The following AFAP1 variants were observed in gnomAD, a reference collection of about 807,000 sequenced individuals.
AFAP1 encodes actin filament associated protein 1, also known as actin filament-associated protein 1.
AFAP1 carries 75 observed loss-of-function variants against 93.9 expected under a neutral mutation model. The ratio of observed to expected loss-of-function variants is 0.80; its 90% CI spans 0.66 to 0.97. AFAP1 has a LOEUF of 0.97. AFAP1 is among the 50% of genes least tolerant of loss of function. The pLI is 0.00. For synonymous variants in AFAP1, 517 were observed against 430.7 expected, an observed-to-expected ratio of 1.20 and a Z score of -2.48; for missense variants, 1,201 against 1,050.8, an observed-to-expected ratio of 1.14 and a Z score of -1.98.
chr4:7,772,859 C>G lies in AFAP1; in HGVS notation c.2214G>C (p.Gly738=). 1.9e-6 allele frequency: 3 copies of G among 1,614,054 alleles called. No homozygotes were observed. The highest frequency in any genetic ancestry group is 2.5e-6 in the Non-Finnish European group (3 of 1,180,028). Residue 738 remains glycine (G), a synonymous_variant, in exon 16 of 18, where the codon GGG becomes GGC. Coordinates refer to ENST00000420658, the MANE Select transcript of AFAP1 (RefSeq NM_001134647.2). ...KKALAGGVTL[G]LAIEPKSGTS... ...TCCCTGACTTGGGCTCGATGGCCAG[C>G]CCCAGGGTGACTCCGCCCGCCAGCG...
At chr4:7,810,556 C>T (rs567429266) in intron 8 of AFAP1, among the ~76,000 whole-genome samples, 117 of 152,324 alleles carry the variant, frequency 7.7e-4, no homozygotes, top group Middle Eastern at 3.4e-3. Flanking sequence ...ATCTGTGAGA[C>T]ACCTGACTCG....
intron 9 of AFAP1, among the ~76,000 whole-genome samples, chr4:7,804,590 T>C (rs1419769454): frequency 6.6e-6 from 1 of 152,060 alleles, no homozygotes; most frequent in African/African-American, 2.4e-5. Context: ...ATATGGGGCG[T>C]CGCGGGTCTC....
At chr4:7,819,281 G>A (rs1577249827) in intron 6 of AFAP1, 110 bp from the exon 7 acceptor site, 2 of 938,394 alleles carry the variant, frequency 2.1e-6, no homozygotes, top group Non-Finnish European at 3.0e-6. Flanking sequence ...GAAATTCATG[G>A]GCTCAAAGCA....
At chr4:7,855,652 T>G in intron 3 of AFAP1, 78 bp from the exon 4 acceptor site, 1 of 1,157,644 alleles carries the variant, frequency 8.6e-7, no homozygotes, top group South Asian at 1.2e-5. Flanking sequence ...TTAACAGGTG[T>G]GGCCAGTCTT....
intron 17 of AFAP1, among the ~76,000 whole-genome samples, chr4:7,767,131 C>A (rs538892793): frequency 6.6e-6 from 1 of 152,314 alleles, no homozygotes; most frequent in East Asian, 1.9e-4. Context: ...CAGTCCGTCC[C>A]CTTCTGATTT....
rs372536807 is a variant in AFAP1, at chr4:7,769,022, G to A, written c.2254-14C>T. On this transcript the variant is annotated splice_polypyrimidine_tract_variant and intron_variant, in intron 16 of 17. Transcript: ENST00000420658. ...GAACACTGGAGACTTAACGGAGAGAGAGAACCCCATGTGATGAGCGGTTTC... is the reference window on the plus strand; with the variant it reads ...GAACACTGGAGACTTAACGGAGAGAAAGAACCCCATGTGATGAGCGGTTTC... 6.3e-7 allele frequency: 1 copy of A among 1,592,082 alleles called. No individual in the cohort carries two copies. Among genetic ancestry groups the A allele is most frequent in the African/African-American group, 1.3e-5 (1 of 74,388 alleles).
chr4:7,786,803 C>T (rs1404833498), intron 11 of AFAP1, among the ~76,000 whole-genome samples: 1 of 152,210 alleles, frequency 6.6e-6, no homozygotes, highest in African/African-American at 2.4e-5. Flanking sequence ...TCCAGAAGGA[C>T]AACATGGCCT....
intron 10 of AFAP1, chr4:7,798,949 G>C (rs773604680): frequency 7.0e-5 from 69 of 986,720 alleles, no homozygotes; most frequent in Non-Finnish European, 8.2e-5. Context: ...CAGATCTGCT[G>C]TCAGAGCTCT....
At chr4:7,848,211 G>C (rs151254351) in intron 4 of AFAP1, among the ~76,000 whole-genome samples, 1,777 of 71,038 alleles carry the variant, frequency 0.025, 88 homozygotes, top group African/African-American at 0.11. Context: ...GCAAGGGAGG[G>C]AGGGAGGGAG....
chr4:7,833,679 C>T (rs945424628), intron 6 of AFAP1, among the ~76,000 whole-genome samples: 2 of 150,980 alleles, frequency 1.3e-5, no homozygotes, highest in Admixed American at 6.6e-5. Flanking sequence ...ACCTCCTCCT[C>T]TCAGGTTCAA....
intron 1 of AFAP1, among the ~76,000 whole-genome samples, chr4:7,919,508 G>A (rs1180917290): frequency 6.6e-6 from 1 of 152,180 alleles, no homozygotes; most frequent in Non-Finnish European, 1.5e-5. Context: ...TTTCTGAGCC[G>A]ATTGAGTTCT....
At chr4:7,901,904 T>C (rs1440890747) in intron 1 of AFAP1, among the ~76,000 whole-genome samples, 2 of 152,228 alleles carry the variant, frequency 1.3e-5, no homozygotes, top group Admixed American at 6.5e-5. Context: ...GGCTCACATC[T>C]TCCTATAAAG....
At chr4:7,836,779 C>A in intron 6 of AFAP1, among the ~76,000 whole-genome samples, 1 of 151,708 alleles carries the variant, frequency 6.6e-6, no homozygotes, top group Non-Finnish European at 1.5e-5. Flanking sequence ...CGACGAAATT[C>A]AGCATCTAGA....
intron 14 of AFAP1, 62 bp downstream of exon 14, chr4:7,778,700 C>T (rs1417195875): frequency 6.5e-7 from 1 of 1,530,116 alleles, no homozygotes; most frequent in African/African-American, 1.4e-5. Flanking sequence ...CAGGCTCAGA[C>T]AGGCCCAGCT....
chr4:7,771,993 C>T (rs1023684195), intron 16 of AFAP1, among the ~76,000 whole-genome samples: 4 of 152,164 alleles, frequency 2.6e-5, no homozygotes, highest in Admixed American at 2.0e-4. Flanking sequence ...TGTCAATCTT[C>T]CCCACAAACC....
chr4:7,834,777 T>C (rs1418419708), intron 6 of AFAP1, among the ~76,000 whole-genome samples: 1 of 152,228 alleles, frequency 6.6e-6, no homozygotes, highest in East Asian at 1.9e-4. Flanking sequence ...CCTGGCAAAA[T>C]ACCCATAAGC....
At chr4:7,901,075 T>C (rs1043048140) in intron 1 of AFAP1, among the ~76,000 whole-genome samples, 1 of 152,246 alleles carries the variant, frequency 6.6e-6, no homozygotes, top group African/African-American at 2.4e-5. Context: ...TTTCTATGTA[T>C]AACAGCAAGA....
intron 13 of AFAP1, among the ~76,000 whole-genome samples, chr4:7,781,149 G>C (rs569483202): frequency 6.6e-6 from 1 of 152,184 alleles, no homozygotes; most frequent in Non-Finnish European, 1.5e-5. Context: ...AACAGAAAGA[G>C]AGCCAGATGT....
At chr4:7,863,926 T>C (rs932709322) in intron 3 of AFAP1, among the ~76,000 whole-genome samples, 2 of 73,014 alleles carry the variant, frequency 2.7e-5, no homozygotes, top group African/African-American at 5.8e-5. Context: ...AGCCCTTCAA[T>C]GGCTTACTGT....
Sources: gnomAD v4.1 joint callset for allele counts (sites outside exome capture counted in the v4.1 genomes callset) on GRCh38, gnomAD v4.1.1 for gene constraint, MANE v1.5 for transcripts, NCBI Gene and HGNC (gene_info 2026-07-23, HGNC 2026-07-21) for gene names.